Variants in ZPBP observed in about 807,000 individuals in gnomAD.
ZPBP encodes the protein zona pellucida binding protein.
ZPBP carries 26 observed loss-of-function variants against 44.8 expected under a neutral mutation model. That is an observed-to-expected ratio of 0.58 (90% CI 0.43 to 0.81). The LOEUF is 0.81. Among genes scored for constraint, ZPBP ranks in the 30% least tolerant of loss-of-function variants. The pLI, the probability that ZPBP is intolerant of heterozygous loss-of-function variation, is 0.00. For missense variants in ZPBP, 409 were observed against 434.0 expected, an observed-to-expected ratio of 0.94 and a Z score of 0.51; for synonymous variants, 174 against 153.2, an observed-to-expected ratio of 1.14 and a Z score of -1.00.
At chr7:49,933,822 T>C (rs1401979586), downstream of ZPBP, among the ~76,000 whole-genome samples, 1 of 148,642 alleles carries the variant, frequency 6.7e-6, no homozygotes, top group Non-Finnish European at 1.5e-5. Flanking sequence ...AAACACTGTA[T>C]GTTCTCACTC....
At chr7:49,934,587 A>T (rs1347468521), downstream of ZPBP, among the ~76,000 whole-genome samples, 1 of 152,178 alleles carries the variant, frequency 6.6e-6, no homozygotes, top group Non-Finnish European at 1.5e-5. Flanking sequence ...TGTAAATGTG[A>T]TTTTAATGGC....
chr7:49,847,025 CAGA>C (rs1295774104), downstream of ZPBP, among the ~76,000 whole-genome samples: 4 of 152,126 alleles, frequency 2.6e-5, no homozygotes, highest in African/African-American at 9.7e-5. Flanking sequence ...TTGCAGTGAG[CAGA>C]AGGTCTGTGT....
chr7:50,063,270 T>C (rs543934240), intron 3 of ZPBP, among the ~76,000 whole-genome samples: 1 of 152,318 alleles, frequency 6.6e-6, no homozygotes, highest in South Asian at 2.1e-4. Context: ...AATTGGGTTT[T>C]CTTATATACA....
chr7:49,923,184 T>C (rs1794096913), intron 1 of ZPBP, among the ~76,000 whole-genome samples: 1 of 152,014 alleles, frequency 6.6e-6, no homozygotes, highest in South Asian at 2.1e-4. Flanking sequence ...AAAACAATGG[T>C]TAGGAAGAAA....
chr7:49,877,130 C>T (rs969591836), intron 2 of ZPBP, among the ~76,000 whole-genome samples: 2 of 151,940 alleles, frequency 1.3e-5, no homozygotes, highest in African/African-American at 4.8e-5. Context: ...TTGGAAGACA[C>T]GTATCTCTTT....
intron 6 of ZPBP, among the ~76,000 whole-genome samples, chr7:50,001,181 A>G (rs961090232): frequency 1.3e-5 from 2 of 152,314 alleles, no homozygotes; most frequent in East Asian, 3.9e-4. Flanking sequence ...GCCCTAGCAA[A>G]CTAATAAACT....
intron 6 of ZPBP, among the ~76,000 whole-genome samples, chr7:50,007,931 C>A (rs1312164358): frequency 1.3e-5 from 2 of 151,962 alleles, no homozygotes; most frequent in African/African-American, 4.8e-5. Context: ...TATTGAAAGA[C>A]TGAAAGCTTT....
At chr7:49,942,038 T>C (rs1175474444) in intron 7 of ZPBP, among the ~76,000 whole-genome samples, 2 of 152,184 alleles carry the variant, frequency 1.3e-5, no homozygotes, top group Middle Eastern at 3.4e-3. Context: ...CCCAATGGTA[T>C]TGGGAAAACT....
intron 2 of ZPBP, among the ~76,000 whole-genome samples, chr7:49,878,310 T>C (rs1007777479): frequency 1.3e-5 from 2 of 152,160 alleles, no homozygotes; most frequent in African/African-American, 4.8e-5. Flanking sequence ...ATATTTATGA[T>C]TGTGTGGCTC....
At chr7:49,997,395 T>C (rs991566269) in intron 6 of ZPBP, among the ~76,000 whole-genome samples, 11 of 152,180 alleles carry the variant, frequency 7.2e-5, no homozygotes, top group African/African-American at 2.4e-4. Context: ...TAATACCCCA[T>C]AGCTCTAACA....
At chr7:49,883,489 G>A (rs1420136159) in intron 2 of ZPBP, among the ~76,000 whole-genome samples, 5 of 152,090 alleles carry the variant, frequency 3.3e-5, no homozygotes, top group African/African-American at 1.2e-4. Context: ...CTAACTCAGG[G>A]AGATTAGGAA....
intron 2 of ZPBP, among the ~76,000 whole-genome samples, chr7:49,852,351 G>A (rs148370557): frequency 1.3e-5 from 2 of 152,372 alleles, no homozygotes; most frequent in East Asian, 3.9e-4. Flanking sequence ...GTTCAAAGAA[G>A]AGGCCTGGCA....
intron 7 of ZPBP, among the ~76,000 whole-genome samples, chr7:49,981,590 TATA>T (rs1562820095): frequency 1.9e-3 from 65 of 34,050 alleles, no homozygotes; most frequent in East Asian, 4.4e-3. Flanking sequence ...TTATATATTA[TATA>T]ATTATATAAA....
chr7:49,940,976 A>G (rs1487450593), intron 7 of ZPBP, among the ~76,000 whole-genome samples: 9 of 152,144 alleles, frequency 5.9e-5, no homozygotes, highest in Admixed American at 3.9e-4. Context: ...AGAGAAGAAG[A>G]TATCTAAAAG....
At chr7:50,040,012 A>T (rs1374581031) in intron 4 of ZPBP, among the ~76,000 whole-genome samples, 1 of 152,214 alleles carries the variant, frequency 6.6e-6, no homozygotes, top group African/African-American at 2.4e-5. Context: ...GTAATTAAAG[A>T]AATGAAAATA....
At chr7:50,006,082 TCAA>T (rs1318740102) in intron 6 of ZPBP, among the ~76,000 whole-genome samples, 3 of 151,644 alleles carry the variant, frequency 2.0e-5, no homozygotes, top group Admixed American at 6.6e-5. Flanking sequence ...AAGGGCCAAT[TCAA>T]CAACAAGCTA....
chr7:50,083,118 A>G (rs985698302), intron 2 of ZPBP, among the ~76,000 whole-genome samples: 1 of 151,780 alleles, frequency 6.6e-6, no homozygotes, highest in Admixed American at 6.6e-5. Flanking sequence ...AGTACCTCAT[A>G]CCATGACTGT....
At chr7:50,019,476 T>C (rs1798982284) in intron 5 of ZPBP, among the ~76,000 whole-genome samples, 3 of 152,146 alleles carry the variant, frequency 2.0e-5, no homozygotes. Flanking sequence ...GTACTATTAT[T>C]ATATGAATAT....
chr7:50,026,706 T>C (rs907496627), intron 5 of ZPBP, among the ~76,000 whole-genome samples: 2 of 151,928 alleles, frequency 1.3e-5, no homozygotes, highest in South Asian at 4.2e-4. Context: ...TAAATTTCTA[T>C]GGCTACAAAA....
Sources: gnomAD v4.1 joint callset for allele counts (sites outside exome capture counted in the v4.1 genomes callset) on GRCh38, gnomAD v4.1.1 for gene constraint, MANE v1.5 for transcripts, NCBI Gene and HGNC (gene_info 2026-07-23, HGNC 2026-07-21) for gene names.